The following TENM3 variants were observed in gnomAD, a reference collection of about 807,000 sequenced individuals.
TENM3 encodes teneurin transmembrane protein 3, also known as teneurin-3.
Under a neutral mutation model 255.1 loss-of-function variants are expected in TENM3, and 63 were observed. The observed-to-expected ratio is 0.25, with a 90% confidence interval of 0.20 to 0.30. The LOEUF is 0.30. Among genes scored for constraint, TENM3 ranks in the 10% least tolerant of loss-of-function variants. The pLI is 1.00. For missense variants in TENM3, 2,929 were observed against 3,461.1 expected (o/e 0.85, Z 3.86); for synonymous variants, 1,306 against 1,322.3 (o/e 0.99, Z 0.27).
intron 3 of TENM3, among the ~76,000 whole-genome samples, chr4:182,381,467 C>G (rs2150922777): frequency 6.6e-6 from 1 of 152,136 alleles, no homozygotes; most frequent in Middle Eastern, 3.4e-3. Flanking sequence ...TAGACATTTT[C>G]CCCCTAGGGC....
chr4:182,339,918 A>C (rs530379314), intron 2 of TENM3, among the ~76,000 whole-genome samples: 1 of 152,342 alleles, frequency 6.6e-6, no homozygotes, highest in Admixed American at 6.5e-5. Context: ...TTTAAAAAAA[A>C]AAGCTATTTT....
At chr4:181,458,593 C>T in the TENM3 span, among the ~76,000 whole-genome samples, 2 of 151,906 alleles carry the variant, frequency 1.3e-5, no homozygotes, top group African/African-American at 4.8e-5. Context: ...CTCTTCTGGT[C>T]CAACCTTAAT....
chr4:181,904,042 C>G, the TENM3 span, among the ~76,000 whole-genome samples: 1 of 152,160 alleles, frequency 6.6e-6, no homozygotes, highest in Non-Finnish European at 1.5e-5. Context: ...CTTGGATGTT[C>G]TTTGGGCATC....
the TENM3 span, among the ~76,000 whole-genome samples, chr4:181,668,451 G>A: frequency 6.6e-6 from 1 of 152,178 alleles, no homozygotes; most frequent in Non-Finnish European, 1.5e-5. Context: ...TGAGGTCAAG[G>A]TGCAGGCAGG....
intron 3 of TENM3, among the ~76,000 whole-genome samples, chr4:182,518,304 C>G (rs914659276): frequency 6.6e-6 from 1 of 151,710 alleles, no homozygotes; most frequent in Non-Finnish European, 1.5e-5. Flanking sequence ...CTGTATGAAT[C>G]GTGACTGTGA....
the TENM3 span, among the ~76,000 whole-genome samples, chr4:181,856,603 A>C: frequency 6.6e-6 from 1 of 152,178 alleles, no homozygotes; most frequent in African/African-American, 2.4e-5. Context: ...TGTTTCTAAC[A>C]AAGTTATAAG....
chr4:182,271,974 GT>G (rs1330936113), intron 1 of TENM3, among the ~76,000 whole-genome samples: 6 of 152,152 alleles, frequency 3.9e-5, no homozygotes, highest in African/African-American at 1.4e-4. Context: ...CGCAGTCCTC[GT>G]GACCGTTCGG....
the TENM3 span, among the ~76,000 whole-genome samples, chr4:181,739,188 T>C: frequency 6.6e-6 from 1 of 152,200 alleles, no homozygotes; most frequent in Non-Finnish European, 1.5e-5. Flanking sequence ...TCAATCAGCA[T>C]CAGCTCTGCA....
rs377508391 is a variant in TENM3, at chr4:182,149,249, A to G, written c.-76+4495A>G. 9.2e-5 allele frequency among the ~76,000 whole-genome samples: 14 copies of G among 152,154 alleles called. No individual in the cohort carries two copies. The East Asian group carries it at 2.5e-3, about 27-fold the overall frequency. ...ATGCAGTTAAATTACCATTTTCAAA[A>G]TGTTATTTTACACAAGTGCTAGAGT... On this transcript the variant is annotated intron_variant, in intron 1 of 2. Coordinates refer to the TENM3 transcript ENST00000512480.
intron 19 of TENM3, among the ~76,000 whole-genome samples, chr4:182,750,532 G>A (rs889863575): frequency 3.3e-5 from 5 of 152,080 alleles, no homozygotes; most frequent in East Asian, 3.8e-4. Context: ...GCACTTAGAC[G>A]GAAAATCATC....
chr4:181,774,015 T>G, the TENM3 span, among the ~76,000 whole-genome samples: 20 of 131,520 alleles, frequency 1.5e-4, no homozygotes, highest in East Asian at 9.9e-4. Context: ...TTTTTTTTTT[T>G]TTTTTTTTTT....
At chr4:182,418,943 G>A (rs149374033) in intron 3 of TENM3, among the ~76,000 whole-genome samples, 1 of 152,118 alleles carries the variant, frequency 6.6e-6, no homozygotes, top group African/African-American at 2.4e-5. Flanking sequence ...TCAGATCTGC[G>A]GCACGTTCCG....
chr4:182,378,273 G>A (rs1310395352), intron 3 of TENM3, among the ~76,000 whole-genome samples: 1 of 152,230 alleles, frequency 6.6e-6, no homozygotes, highest in Non-Finnish European at 1.5e-5. Context: ...GACGACTGGG[G>A]ATATGGTGAT....
chr4:181,804,266 A>G, the TENM3 span, among the ~76,000 whole-genome samples: 35 of 150,448 alleles, frequency 2.3e-4, 1 homozygote, highest in South Asian at 6.8e-3. Context: ...TTAATTGACA[A>G]ATAATACAAA....
the TENM3 span, among the ~76,000 whole-genome samples, chr4:182,003,807 C>T: frequency 6.6e-6 from 1 of 151,966 alleles, no homozygotes; most frequent in East Asian, 1.9e-4. Context: ...AACTTTTAGT[C>T]TTATAGTTCT....
intron 3 of TENM3, among the ~76,000 whole-genome samples, chr4:182,543,665 T>TCA (rs960173838): frequency 2.0e-5 from 3 of 151,024 alleles, no homozygotes; most frequent in African/African-American, 7.2e-5. Flanking sequence ...GAACATATTT[T>TCA]CATATATATA....
chr4:181,643,776 T>C, the TENM3 span, among the ~76,000 whole-genome samples: 1 of 152,156 alleles, frequency 6.6e-6, no homozygotes, highest in Admixed American at 6.5e-5. Flanking sequence ...TGTAAGTGAA[T>C]TGCAGAAATG....
chr4:182,640,175 T>C (rs1216033735), intron 5 of TENM3, among the ~76,000 whole-genome samples: 14 of 152,188 alleles, frequency 9.2e-5, no homozygotes, highest in Admixed American at 9.2e-4. Flanking sequence ...CAGAATTTCC[T>C]TTAGAAATAA....
At chr4:182,519,009 G>A (rs62337234) in intron 3 of TENM3, among the ~76,000 whole-genome samples, 3,222 of 152,214 alleles carry the variant, frequency 0.021, 37 homozygotes, top group Middle Eastern at 0.041. Context: ...TCAGTAAAAT[G>A]TTGAAACTTA....
Sources: gnomAD v4.1 joint callset for allele counts (sites outside exome capture counted in the v4.1 genomes callset) on GRCh38, gnomAD v4.1.1 for gene constraint, MANE v1.5 for transcripts, NCBI Gene and HGNC (gene_info 2026-07-23, HGNC 2026-07-21) for gene names.